The following LRP1B variants were observed in gnomAD, a reference collection of about 807,000 sequenced individuals.
LRP1B encodes LDL receptor related protein 1B, also known as low-density lipoprotein receptor-related protein 1B.
Under a neutral mutation model 556.6 loss-of-function variants are expected in LRP1B, and 217 were observed. The observed-to-expected ratio is 0.39, with a 90% CI of 0.35 to 0.44. The LOEUF is 0.44. Ranked by LOEUF, LRP1B falls within the 20% of genes least tolerant of loss-of-function variation. The pLI is 1.00. For synonymous variants in LRP1B, 2,047 were observed against 1,865.8 expected, an observed-to-expected ratio of 1.10 and a Z score of -2.50; for missense variants, 5,053 against 5,620.8, an observed-to-expected ratio of 0.90 and a Z score of 3.23.
intron 86 of LRP1B, chr2:140,269,170 C>T (rs921170050): frequency 1.2e-5 from 5 of 429,194 alleles, no homozygotes; most frequent in Non-Finnish European, 1.4e-5. Context: ...TAAGTATACT[C>T]TGTGAAATGC....
intron 15 of LRP1B, among the ~76,000 whole-genome samples, chr2:140,999,740 C>T (rs114656296): frequency 1.4e-3 from 212 of 151,976 alleles, no homozygotes; most frequent in African/African-American, 4.9e-3. Flanking sequence ...AACTACTGAA[C>T]ATGTTTTGTT....
chr2:142,114,248 C>T lies in LRP1B; in HGVS notation c.82+16400G>A, dbSNP rs1707106037. Among the ~76,000 whole-genome samples, 12 of 152,158 alleles carry T rather than the reference C, an allele frequency of 7.9e-5. No homozygotes were observed. In the South Asian group the frequency reaches 2.5e-3, roughly 32 times the overall value. On this transcript the variant is annotated intron_variant, in intron 1 of 90. Coordinates refer to ENST00000389484, the MANE Select transcript of LRP1B (RefSeq NM_018557.3). ...CAGTAGTCTGTTTTATAAAACGTAT[C>T]TATATTTTTCCTCAGAAACTTTGAA...
At position 141,096,663 on chromosome 2, in the gene LRP1B, A is replaced by AGG. The variant is rs1558858289; in HGVS notation, c.1014-34391_1014-34390insCC. On this transcript the variant is annotated intron_variant, in intron 7 of 90. Transcript: ENST00000389484. ...GAGAGAGAGAGAGAGAGAGAGAGAG[A>AGG]GAGAGAGAGAGAGAGAGAGAGAGAG... Among the ~76,000 whole-genome samples the AGG allele has an allele frequency of 8.8e-4, 112 of 127,824 alleles. 11 individuals carry two copies. The East Asian group carries it at 0.014, about 16-fold the overall frequency. The allele number at this position is 127,824 out of a possible 152,430, so 83.9% of individuals were successfully genotyped here. A position where few individuals can be genotyped will look rare whatever the true frequency, so the allele number is the denominator to read the frequency against.
chr2:140,590,100 A>G (rs547738702), intron 43 of LRP1B, among the ~76,000 whole-genome samples: 1 of 152,144 alleles, frequency 6.6e-6, no homozygotes, highest in African/African-American at 2.4e-5. Context: ...TTAAAAATTC[A>G]TAAGCACAAA....
chr2:140,724,580 C>T (rs1369893110), intron 35 of LRP1B, among the ~76,000 whole-genome samples: 3 of 152,104 alleles, frequency 2.0e-5, no homozygotes, highest in Non-Finnish European at 4.4e-5. Context: ...TCTTCATAAA[C>T]TTCAGATTTG....
At chr2:140,655,542 G>A (rs926365377) in intron 41 of LRP1B, among the ~76,000 whole-genome samples, 2 of 152,288 alleles carry the variant, frequency 1.3e-5, no homozygotes, top group Admixed American at 1.3e-4. Context: ...ATTCCTAGGT[G>A]CAGGAAGAGA....
intron 1 of LRP1B, among the ~76,000 whole-genome samples, chr2:142,071,102 G>A (rs1353360022): frequency 6.6e-6 from 1 of 151,892 alleles, no homozygotes; most frequent in Non-Finnish European, 1.5e-5. Flanking sequence ...GTGGGTAGGA[G>A]GGGAAATAGA....
At chr2:140,617,443 G>C (rs921823511) in intron 41 of LRP1B, among the ~76,000 whole-genome samples, 41 of 152,064 alleles carry the variant, frequency 2.7e-4, no homozygotes, top group Middle Eastern at 6.8e-3. Context: ...GTGTCAATGT[G>C]ATCTAGTCAG....
intron 45 of LRP1B, among the ~76,000 whole-genome samples, chr2:140,539,837 G>A (rs992822501): frequency 6.6e-6 from 1 of 152,130 alleles, no homozygotes; most frequent in Non-Finnish European, 1.5e-5. Flanking sequence ...TATGGAAATT[G>A]GCCATCTGCA....
intron 41 of LRP1B, among the ~76,000 whole-genome samples, chr2:140,666,699 T>A (rs1257090900): frequency 6.6e-6 from 1 of 152,198 alleles, no homozygotes; most frequent in African/African-American, 2.4e-5. Context: ...TATTTCAAAA[T>A]CTTGGCTTTA....
chr2:140,737,250 TC>T (rs754107432), intron 35 of LRP1B, among the ~76,000 whole-genome samples: 12 of 152,232 alleles, frequency 7.9e-5, no homozygotes, highest in Admixed American at 4.6e-4. Flanking sequence ...TCCTCCTAGA[TC>T]TTTCACCAAA....
chr2:142,023,332 G>A (rs145066924), intron 1 of LRP1B, among the ~76,000 whole-genome samples: 51 of 152,118 alleles, frequency 3.4e-4, no homozygotes, highest in East Asian at 1.7e-3. Flanking sequence ...ATTGGTATCC[G>A]CGTATTCATT....
intron 47 of LRP1B, among the ~76,000 whole-genome samples, chr2:140,531,531 G>A (rs1450565934): frequency 6.6e-6 from 1 of 152,150 alleles, no homozygotes; most frequent in East Asian, 1.9e-4. Flanking sequence ...TAAGATGGCA[G>A]AGTAACTTCC....
At chr2:141,425,008 T>C (rs1290986210) in intron 3 of LRP1B, among the ~76,000 whole-genome samples, 4 of 151,862 alleles carry the variant, frequency 2.6e-5, no homozygotes, top group Admixed American at 6.6e-5. Context: ...CATGCTGGTG[T>C]GCTGCACCCA....
At chr2:141,984,245 G>A (rs1000798827) in intron 1 of LRP1B, among the ~76,000 whole-genome samples, 9 of 151,886 alleles carry the variant, frequency 5.9e-5, no homozygotes, top group Non-Finnish European at 1.3e-4. Flanking sequence ...TGCCATCTTG[G>A]TATGCTGCAC....
At chr2:140,637,470 G>A (rs1422731832) in intron 41 of LRP1B, among the ~76,000 whole-genome samples, 1 of 152,162 alleles carries the variant, frequency 6.6e-6, no homozygotes, top group Non-Finnish European at 1.5e-5. Flanking sequence ...TATCTAATGT[G>A]TATTTTCATA....
chr2:142,063,370 A>G (rs1208902924), intron 1 of LRP1B, among the ~76,000 whole-genome samples: 1 of 151,606 alleles, frequency 6.6e-6, no homozygotes, highest in Non-Finnish European at 1.5e-5. Flanking sequence ...TAGCTTTTGC[A>G]TCGAAGATAC....
rs565764708 is a variant in LRP1B, at chr2:140,868,061, T to TA, written c.4334+37dup. On this transcript the variant is annotated intron_variant, in intron 26 of 90. Coordinates refer to ENST00000389484, the MANE Select transcript of LRP1B (RefSeq NM_018557.3). ...TCCAATGTTGTAAATATTATCTAAG[T>TA]AAAAAAAAAAATACAGAAAAGAGAT... 11,306 of 1,143,154 alleles carry TA rather than the reference T, an allele frequency of 9.9e-3. 1 individual carries two copies. Among genetic ancestry groups the TA allele is most frequent in the South Asian group, 0.016 (983 of 60,432 alleles). 70.8% of individuals were successfully genotyped at this position (1,143,154 alleles called of 1,614,324 possible).
chr2:141,985,983 GT>G (rs1345900230), intron 1 of LRP1B, among the ~76,000 whole-genome samples: 1 of 151,928 alleles, frequency 6.6e-6, no homozygotes, highest in Non-Finnish European at 1.5e-5. Flanking sequence ...CATTTCTTGT[GT>G]GTAAAGAATA....
Sources: allele counts gnomAD v4.1 joint callset (sites outside exome capture counted in the v4.1 genomes callset), GRCh38; gene constraint gnomAD v4.1.1; transcripts MANE v1.5; gene names NCBI Gene and HGNC (gene_info 2026-07-23, HGNC 2026-07-21).